The following GALNTL6 variants were observed in gnomAD, a reference collection of about 807,000 sequenced individuals.
GALNTL6 encodes polypeptide N-acetylgalactosaminyltransferase like 6.
A neutral mutation model predicts 73.7 loss-of-function variants in GALNTL6; 46 were observed. The observed-to-expected ratio is 0.62, with a 90% CI of 0.49 to 0.80. The LOEUF (loss-of-function observed/expected upper bound fraction) is 0.80, where lower values mean the gene tolerates loss of function less well. Ranked by LOEUF, GALNTL6 falls within the 30% of genes least tolerant of loss-of-function variation. GALNTL6 has a pLI of 0.00. For missense variants in GALNTL6, 604 were observed against 755.0 expected (o/e 0.80, Z 2.34); for synonymous variants, 259 against 263.7 (o/e 0.98, Z 0.17).
At chr4:172,722,654 C>G (rs1050147858) in intron 5 of GALNTL6, among the ~76,000 whole-genome samples, 1 of 151,954 alleles carries the variant, frequency 6.6e-6, no homozygotes, top group African/African-American at 2.4e-5. Context: ...ATAATTTTAC[C>G]TACATGTACC....
intron 2 of GALNTL6, among the ~76,000 whole-genome samples, chr4:172,212,108 A>G (rs28772942): frequency 0.014 from 2,189 of 152,174 alleles, 56 homozygotes; most frequent in African/African-American, 0.05. Context: ...TGATACATTA[A>G]TATGGTTAGA....
chr4:172,219,925 A>T (rs1736618073), intron 2 of GALNTL6, among the ~76,000 whole-genome samples: 1 of 151,992 alleles, frequency 6.6e-6, no homozygotes, highest in Non-Finnish European at 1.5e-5. Flanking sequence ...ATCTGTATTT[A>T]AGTAAAATAA....
chr4:171,928,681 G>A (rs75788542), intron 2 of GALNTL6, among the ~76,000 whole-genome samples: 14 of 152,152 alleles, frequency 9.2e-5, no homozygotes, highest in Admixed American at 3.9e-4. Context: ...TTATAATACC[G>A]TATTTTACTT....
intron 2 of GALNTL6, among the ~76,000 whole-genome samples, chr4:172,163,331 G>A (rs1001310346): frequency 6.6e-6 from 1 of 151,730 alleles, no homozygotes; most frequent in African/African-American, 2.4e-5. Flanking sequence ...TAGCAACTAT[G>A]GTTTATTACT....
At chr4:172,502,462 C>T (rs1461835444) in intron 5 of GALNTL6, among the ~76,000 whole-genome samples, 1 of 140,466 alleles carries the variant, frequency 7.1e-6, no homozygotes, top group African/African-American at 2.6e-5. Context: ...CAACATTCAA[C>T]TCATAGATGT....
intron 2 of GALNTL6, among the ~76,000 whole-genome samples, chr4:171,823,160 T>A (rs1455167841): frequency 1.3e-5 from 2 of 152,178 alleles, no homozygotes; most frequent in Non-Finnish European, 2.9e-5. Flanking sequence ...TACACACAAT[T>A]GTAGAAATTT....
At position 172,749,092 on chromosome 4, in the gene GALNTL6, G is replaced by T. The variant is rs1424127312; in HGVS notation, c.554-60269G>T. On this transcript the variant is annotated intron_variant, in intron 5 of 12. Transcript: ENST00000506823. ...CTAATTTTTGTTGTTGTTGTTGTTT[G>T]TTTTTTTTTTGATAGAGAAGAAGTT... Among the ~76,000 whole-genome samples, 6 of 147,288 alleles carry T rather than the reference G, an allele frequency of 4.1e-5. No individual in the cohort carries two copies. In the South Asian group the frequency reaches 1.1e-3, roughly 27 times the overall value.
chr4:172,354,141 AG>A, intron 5 of GALNTL6, among the ~76,000 whole-genome samples: 1 of 152,232 alleles, frequency 6.6e-6, no homozygotes, highest in Admixed American at 6.5e-5. Context: ...AAAATGTTTT[AG>A]TGCTGGTATT....
chr4:172,265,972 C>T (rs898588987), intron 3 of GALNTL6, among the ~76,000 whole-genome samples: 10 of 152,032 alleles, frequency 6.6e-5, no homozygotes, highest in Non-Finnish European at 1.5e-4. Flanking sequence ...TTATTTTCTG[C>T]TGTTTCTCAT....
chr4:172,584,673 G>A (rs1319877093), intron 5 of GALNTL6, among the ~76,000 whole-genome samples: 1 of 152,204 alleles, frequency 6.6e-6, no homozygotes, highest in Non-Finnish European at 1.5e-5. Context: ...GAACATCATA[G>A]TGAAACTGAT....
intron 5 of GALNTL6, among the ~76,000 whole-genome samples, chr4:172,807,629 T>A (rs1335528898): frequency 1.3e-5 from 2 of 152,226 alleles, no homozygotes; most frequent in African/African-American, 4.8e-5. Flanking sequence ...GGAGTCTGCA[T>A]GACCTACTCA....
chr4:172,642,128 G>A (rs1357311613), intron 5 of GALNTL6, among the ~76,000 whole-genome samples: 3 of 151,974 alleles, frequency 2.0e-5, no homozygotes, highest in Non-Finnish European at 4.4e-5. Context: ...CTGTTTGTGG[G>A]AATGTAAATT....
At chr4:172,385,145 G>A (rs1490213297) in intron 5 of GALNTL6, among the ~76,000 whole-genome samples, 1 of 151,510 alleles carries the variant, frequency 6.6e-6, no homozygotes, top group East Asian at 1.9e-4. Flanking sequence ...TTCAAGAAGA[G>A]ATGATGAACA....
chr4:172,790,343 G>A (rs1001482090), intron 5 of GALNTL6, among the ~76,000 whole-genome samples: 8 of 152,138 alleles, frequency 5.3e-5, no homozygotes, highest in Non-Finnish European at 8.8e-5. Context: ...AATGTAACTC[G>A]GGTGTTGTAT....
At chr4:172,643,949 A>G (rs551701377) in intron 5 of GALNTL6, among the ~76,000 whole-genome samples, 4 of 151,960 alleles carry the variant, frequency 2.6e-5, no homozygotes, top group Admixed American at 2.6e-4. Context: ...CTTATGTTCA[A>G]TCTTAGTAAA....
intron 5 of GALNTL6, among the ~76,000 whole-genome samples, chr4:172,503,480 G>A (rs1306815775): frequency 7.1e-6 from 1 of 141,410 alleles, no homozygotes; most frequent in Admixed American, 7.1e-5. Context: ...ACAGGATCAT[G>A]AGTGCTTAAA....
At chr4:172,521,519 GGT>G (rs1252858028) in intron 5 of GALNTL6, among the ~76,000 whole-genome samples, 9 of 152,138 alleles carry the variant, frequency 5.9e-5, no homozygotes, top group African/African-American at 9.7e-5. Context: ...AATGAAAGAA[GGT>G]ACCCTTTAGA....
intron 2 of GALNTL6, among the ~76,000 whole-genome samples, chr4:171,953,165 CA>C (rs972315467): frequency 6.6e-6 from 1 of 151,400 alleles, no homozygotes; most frequent in Non-Finnish European, 1.5e-5. Context: ...TCGGTTACCC[CA>C]AATTAATCAT....
chr4:172,963,533 T>C (rs141629777), intron 10 of GALNTL6, among the ~76,000 whole-genome samples: 29 of 152,366 alleles, frequency 1.9e-4, no homozygotes, highest in Admixed American at 5.2e-4. Flanking sequence ...ACATAGTGTC[T>C]AGCATATAGT....
Sources: allele counts gnomAD v4.1 joint callset (sites outside exome capture counted in the v4.1 genomes callset), GRCh38; gene constraint gnomAD v4.1.1; transcripts MANE v1.5; gene names NCBI Gene and HGNC (gene_info 2026-07-23, HGNC 2026-07-21).